The following LRRC4C variants were observed in gnomAD, a reference collection of about 807,000 sequenced individuals.
The protein encoded by LRRC4C is leucine-rich repeat-containing protein 4C.
A neutral mutation model predicts 33.6 loss-of-function variants in LRRC4C; 5 were observed. That is an observed-to-expected ratio of 0.15 (90% CI 0.08 to 0.31). LRRC4C has a LOEUF of 0.31. Among genes scored for constraint, LRRC4C ranks in the 10% least tolerant of loss-of-function variants. The pLI, the probability that LRRC4C is intolerant of heterozygous loss-of-function variation, is 1.00. For missense variants in LRRC4C, 560 were observed against 796.7 expected (o/e 0.70, Z 3.58); for synonymous variants, 329 against 302.0 (o/e 1.09, Z -0.93).
intron 1 of LRRC4C, among the ~76,000 whole-genome samples, chr11:40,946,494 C>T (rs558506441): frequency 6.6e-6 from 1 of 152,096 alleles, no homozygotes; most frequent in Non-Finnish European, 1.5e-5. Context: ...GTTTTAAGTT[C>T]TTTGAGAAGT....
intron 1 of LRRC4C, among the ~76,000 whole-genome samples, chr11:41,032,437 T>C (rs1452392629): frequency 2.0e-5 from 3 of 152,090 alleles, no homozygotes; most frequent in African/African-American, 7.2e-5. Flanking sequence ...AAGGATTTGA[T>C]AAAACTTTCA....
chr11:41,143,648 G>T (rs577296571), intron 1 of LRRC4C, among the ~76,000 whole-genome samples: 3 of 152,120 alleles, frequency 2.0e-5, no homozygotes, highest in Non-Finnish European at 4.4e-5. Flanking sequence ...AATGGTTCTC[G>T]ATCCTAGCTA....
At chr11:40,835,866 A>C (rs1312387169) in intron 2 of LRRC4C, among the ~76,000 whole-genome samples, 2 of 152,260 alleles carry the variant, frequency 1.3e-5, no homozygotes, top group South Asian at 4.1e-4. Flanking sequence ...ATACAATGTC[A>C]ATTAAATTTG....
Position 40,496,089 on chromosome 11 carries a change from C to A in LRRC4C, c.-270+152053G>T, listed in dbSNP as rs190172695. On this transcript the variant is annotated intron_variant, in intron 3 of 6. Transcript: ENST00000528697. ...CGGGTGATCTGCTCACCTTGGCATCCCAAGTGCTAGGATTACAGTCATGAG... is the reference window on the plus strand; with the variant it reads ...CGGGTGATCTGCTCACCTTGGCATCACAAGTGCTAGGATTACAGTCATGAG... Among the ~76,000 whole-genome samples the A allele has an allele frequency of 2.6e-5, 4 of 152,052 alleles. No homozygotes were observed. In the East Asian group the frequency reaches 7.8e-4, roughly 29 times the overall value.
rs115997135 is a variant in LRRC4C at position 40,460,152 on chromosome 11, C to T, written c.-269-140431G>A. Among the ~76,000 whole-genome samples, 538 of 152,158 alleles carry T rather than the reference C, an allele frequency of 3.5e-3. 3 individuals are homozygous for T. The highest frequency in any genetic ancestry group is 0.012 in the African/African-American group (516 of 41,532). ...TCCTTCTCAAGGTGATTAGGGGTCT[C>T]ACTGGTACCAACTCCAGCCACTTAA... is the stretch of plus-strand genomic sequence containing the variant. On this transcript the variant is annotated intron_variant, in intron 3 of 6. Coordinates refer to ENST00000528697, the MANE Select transcript of LRRC4C (RefSeq NM_001258419.2).
At chr11:41,438,315 C>T (rs962399838) in intron 1 of LRRC4C, among the ~76,000 whole-genome samples, 3 of 151,872 alleles carry the variant, frequency 2.0e-5, no homozygotes, top group South Asian at 2.1e-4. Flanking sequence ...AAAAAGATCT[C>T]GGCTCTTAAA....
intron 3 of LRRC4C, among the ~76,000 whole-genome samples, chr11:40,399,743 A>G (rs1385895999): frequency 6.6e-6 from 1 of 152,098 alleles, no homozygotes; most frequent in Non-Finnish European, 1.5e-5. Flanking sequence ...TACAATGGTA[A>G]CATCATGTGC....
chr11:40,660,874 A>G (rs1335041776), intron 2 of LRRC4C, among the ~76,000 whole-genome samples: 2 of 152,218 alleles, frequency 1.3e-5, no homozygotes, highest in Admixed American at 6.5e-5. Context: ...TAAAGATGAA[A>G]TCTTTGCAAA....
chr11:40,191,246 A>T (rs1455294856), intron 5 of LRRC4C, among the ~76,000 whole-genome samples: 1 of 152,140 alleles, frequency 6.6e-6, no homozygotes, highest in African/African-American at 2.4e-5. Context: ...AACACTAAGA[A>T]TAAAAAAGAC....
At chr11:41,284,840 T>C (rs1186232374) in intron 1 of LRRC4C, among the ~76,000 whole-genome samples, 1 of 152,118 alleles carries the variant, frequency 6.6e-6, no homozygotes, top group African/African-American at 2.4e-5. Flanking sequence ...AAAAAGCAAC[T>C]CACATATTTC....
chr11:41,159,443 AG>A (rs1221719499), intron 1 of LRRC4C, among the ~76,000 whole-genome samples: 2 of 152,138 alleles, frequency 1.3e-5, no homozygotes, highest in Non-Finnish European at 2.9e-5. Flanking sequence ...GCAGAGAAAA[AG>A]GTATAGAGAT....
intron 3 of LRRC4C, among the ~76,000 whole-genome samples, chr11:40,371,736 TATA>T (rs1948458028): frequency 6.6e-6 from 1 of 152,166 alleles, no homozygotes; most frequent in African/African-American, 2.4e-5. Flanking sequence ...AATGTAAGAA[TATA>T]ATAAGTGCTA....
At chr11:40,627,014 C>A (rs1220060567) in intron 3 of LRRC4C, among the ~76,000 whole-genome samples, 2 of 150,586 alleles carry the variant, frequency 1.3e-5, no homozygotes, top group Non-Finnish European at 3.0e-5. Context: ...TATTCTTAAT[C>A]ATTTATTCTC....
chr11:41,333,701 C>T (rs1245835020), intron 1 of LRRC4C, among the ~76,000 whole-genome samples: 1 of 152,090 alleles, frequency 6.6e-6, no homozygotes, highest in Non-Finnish European at 1.5e-5. Flanking sequence ...TGAATTAATG[C>T]TACTTTTCTC....
At chr11:40,329,531 G>C (rs980352496) in intron 3 of LRRC4C, among the ~76,000 whole-genome samples, 1 of 152,070 alleles carries the variant, frequency 6.6e-6, no homozygotes, top group African/African-American at 2.4e-5. Context: ...ACTCCTTTGT[G>C]TACCTCGTGG....
chr11:40,614,437 G>A (rs951757795), intron 3 of LRRC4C, among the ~76,000 whole-genome samples: 1 of 56,374 alleles, frequency 1.8e-5, no homozygotes, highest in South Asian at 4.9e-4. Flanking sequence ...GAGAGTGGGT[G>A]TTGAATGTTG....
At chr11:40,614,531 G>A (rs1961564292) in intron 3 of LRRC4C, among the ~76,000 whole-genome samples, 1 of 151,238 alleles carries the variant, frequency 6.6e-6, no homozygotes, top group Non-Finnish European at 1.5e-5. Flanking sequence ...TCATTTGTGT[G>A]TTCATTGAAG....
At chr11:41,021,305 A>T (rs1045455297) in intron 1 of LRRC4C, among the ~76,000 whole-genome samples, 1 of 139,840 alleles carries the variant, frequency 7.2e-6, no homozygotes, top group African/African-American at 2.6e-5. Flanking sequence ...AAAAAAAAAA[A>T]GCTGATCCTG....
chr11:40,632,741 TC>T (rs150911890), intron 3 of LRRC4C, among the ~76,000 whole-genome samples: 5,591 of 152,286 alleles, frequency 0.037, 340 homozygotes, highest in African/African-American at 0.13. Context: ...TATCTTTGAA[TC>T]CAGTGACCAA....
Sources: gnomAD v4.1 joint callset for allele counts (sites outside exome capture counted in the v4.1 genomes callset) on GRCh38, gnomAD v4.1.1 for gene constraint, MANE v1.5 for transcripts, NCBI Gene and HGNC (gene_info 2026-07-23, HGNC 2026-07-21) for gene names.